CBL: variants seen among roughly 807,000 people sequenced by gnomAD.
CBL encodes the protein Cbl proto-oncogene.
CBL carries 45 observed loss-of-function variants against 96.9 expected under a neutral mutation model. That is an observed-to-expected ratio of 0.46 (90% CI 0.37 to 0.60). The LOEUF (loss-of-function observed/expected upper bound fraction) is 0.60, where lower values mean the gene tolerates loss of function less well. CBL is among the 20% of genes least tolerant of loss of function. CBL has a pLI of 0.00. For missense variants in CBL, 1,024 were observed against 1,143.5 expected, an observed-to-expected ratio of 0.90 and a Z score of 1.51; for synonymous variants, 420 against 426.8, an observed-to-expected ratio of 0.98 and a Z score of 0.20.
intron 2 of CBL, among the ~76,000 whole-genome samples, chr11:119,268,891 T>C (rs186853895): frequency 6.6e-6 from 1 of 152,322 alleles, no homozygotes; most frequent in East Asian, 1.9e-4. Context: ...ATCATCTCAT[T>C]CATTATCCTG....
At position 119,285,726 on chromosome 11, in the gene CBL, T is replaced by G. The variant is rs185084652; in HGVS notation, c.1941+160T>G. On this transcript the variant is annotated intron_variant, in intron 11 of 15. Coordinates refer to ENST00000264033, the MANE Select transcript of CBL (RefSeq NM_005188.4). ...GCCTGGGGGACGTAGTGAAACCCTG[T>G]CTCTACAAAAATTACAAAAATTAGC... Among the ~76,000 whole-genome samples the G allele has an allele frequency of 1.3e-3, 200 of 152,276 alleles. 2 individuals carry two copies. Among genetic ancestry groups the G allele is most frequent in the African/African-American group, 4.6e-3 (192 of 41,566 alleles).
intron 2 of CBL, among the ~76,000 whole-genome samples, chr11:119,263,250 A>G (rs1337876745): frequency 6.6e-6 from 1 of 152,180 alleles, no homozygotes; most frequent in Non-Finnish European, 1.5e-5. Context: ...CTACATTGTG[A>G]GTGCTTTCAT....
intron 2 of CBL, among the ~76,000 whole-genome samples, chr11:119,241,404 G>C (rs1949585739): frequency 6.6e-6 from 1 of 152,084 alleles, no homozygotes; most frequent in Non-Finnish European, 1.5e-5. Context: ...ATGTAATTCT[G>C]CCTTCTTAGA....
intron 1 of CBL, among the ~76,000 whole-genome samples, chr11:119,227,941 C>G (rs1446320469): frequency 2.0e-5 from 3 of 152,010 alleles, no homozygotes; most frequent in African/African-American, 7.3e-5. Flanking sequence ...CTTCTGTGTC[C>G]CTGTGCCTGA....
chr11:119,251,445 TG>T (rs1303649851), intron 2 of CBL, among the ~76,000 whole-genome samples: 6 of 152,372 alleles, frequency 3.9e-5, no homozygotes, highest in African/African-American at 1.2e-4. Context: ...TTTGTTTGAA[TG>T]TAAAGGAATG....
chr11:119,213,867 C>T (rs929120465), intron 1 of CBL, among the ~76,000 whole-genome samples: 2 of 152,112 alleles, frequency 1.3e-5, no homozygotes, highest in African/African-American at 4.8e-5. Flanking sequence ...CCACTGCACC[C>T]AACTAGTAGT....
intron 12 of CBL, among the ~76,000 whole-genome samples, chr11:119,294,310 TC>T (rs1485734883): frequency 6.6e-6 from 1 of 151,452 alleles, no homozygotes; most frequent in Admixed American, 6.6e-5. Context: ...GTGCCTGTAC[TC>T]CCAGCTACTT....
intron 2 of CBL, among the ~76,000 whole-genome samples, chr11:119,249,518 C>G (rs1281797159): frequency 6.9e-6 from 1 of 144,778 alleles, no homozygotes; most frequent in Non-Finnish European, 1.5e-5. Flanking sequence ...CGCCACTGCA[C>G]TCCAGCGTGG....
chr11:119,285,339 T>C lies in CBL; in HGVS notation c.1714T>C (p.Cys572Arg). Residue 572 changes from cysteine (C) to arginine (R), a missense_variant, in exon 11 of 16, where the codon TGT becomes CGT. Coordinates refer to ENST00000264033, the MANE Select transcript of CBL (RefSeq NM_005188.4). ...RRPLPCTPGD[C>R]PSRDKLPPVP... ...CCCCTTGCCTTGTACACCAGGCGACTGTCCCTCCAGAGACAAACTGCCCCC... is the reference window on the plus strand; with the variant it reads ...CCCCTTGCCTTGTACACCAGGCGACCGTCCCTCCAGAGACAAACTGCCCCC... The C allele has an allele frequency of 6.2e-7, 1 of 1,614,158 alleles. No homozygotes were observed. Among genetic ancestry groups the C allele is most frequent in the Non-Finnish European group, 8.5e-7 (1 of 1,180,020 alleles).
intron 2 of CBL, among the ~76,000 whole-genome samples, chr11:119,234,645 G>T (rs538496137): frequency 1.3e-5 from 2 of 152,158 alleles, no homozygotes; most frequent in Non-Finnish European, 2.9e-5. Context: ...ACAAAATTCT[G>T]TTGGGAGCCG....
chr11:119,232,424 G>A (rs193259104), intron 1 of CBL, 24 bp from the exon 2 acceptor site: 1 of 1,611,430 alleles, frequency 6.2e-7, no homozygotes, highest in African/African-American at 1.3e-5. Flanking sequence ...CCAAGTAATA[G>A]CCCTTCTTTT....
rs1949909771 is a variant in CBL, at chr11:119,278,719, A to T, written c.1431+6A>T. ...AGGAATTGGCTGGTGCCAAGGTAAG[A>T]TGGCAGTTTAGGAGACTGGCAAAAT... is the stretch of plus-strand genomic sequence containing the variant. On this transcript the variant is annotated splice_donor_region_variant and intron_variant, in intron 9 of 15. Transcript: ENST00000264033. The T allele has an allele frequency of 6.2e-7, 1 of 1,613,080 alleles. No individual in the cohort carries two copies.
chr11:119,241,742 T>A (rs1949587984), intron 2 of CBL, among the ~76,000 whole-genome samples: 2 of 152,188 alleles, frequency 1.3e-5, no homozygotes, highest in Non-Finnish European at 2.9e-5. Context: ...TCACTTAGGT[T>A]AAAAATGTCC....
chr11:119,272,288 A>G (rs1301313465), intron 3 of CBL, among the ~76,000 whole-genome samples: 2 of 151,966 alleles, frequency 1.3e-5, no homozygotes, highest in Non-Finnish European at 2.9e-5. Flanking sequence ...CGCCCGGCTA[A>G]TTTTTTGCAT....
intron 1 of CBL, among the ~76,000 whole-genome samples, chr11:119,226,357 A>G (rs544915914): frequency 6.6e-6 from 1 of 152,294 alleles, no homozygotes; most frequent in South Asian, 2.1e-4. Context: ...CATTTATTGA[A>G]TGCGATTTTT....
intron 1 of CBL, among the ~76,000 whole-genome samples, chr11:119,228,841 G>C (rs183981078): frequency 6.9e-6 from 1 of 144,990 alleles, no homozygotes; most frequent in Admixed American, 6.9e-5. Context: ...ACGTGGTTTC[G>C]CTCTTGTCCC....
In CBL at chr11:119,306,755, C is replaced by T. The variant is rs961629211; in HGVS notation, c.*6974C>T. The T allele has an allele frequency of 1.7e-5, 4 of 240,884 alleles. No homozygotes were observed. The highest frequency in any genetic ancestry group is 2.4e-5 in the Non-Finnish European group (3 of 123,398). The allele number at this position is 240,884 out of a possible 1,614,324, so 14.9% of individuals were successfully genotyped here. A position where few individuals can be genotyped will look rare whatever the true frequency, so the allele number is the denominator to read the frequency against. On this transcript the variant is annotated 3_prime_UTR_variant, in exon 16 of 16. Coordinates refer to ENST00000264033, the MANE Select transcript of CBL (RefSeq NM_005188.4). ...ATGAGAGTAAATGCCTCCTGACCTA[C>T]CCTGCTCAGCACTGTTCTAGTGTCT...
At chr11:119,225,092 G>T (rs1949447554) in intron 1 of CBL, among the ~76,000 whole-genome samples, 1 of 150,840 alleles carries the variant, frequency 6.6e-6, no homozygotes, top group Non-Finnish European at 1.5e-5. Flanking sequence ...TTGTATGTAT[G>T]CATGTATTTA....
intron 2 of CBL, among the ~76,000 whole-genome samples, chr11:119,243,326 A>ATATT (rs1281781321): frequency 1.1e-4 from 16 of 151,806 alleles, no homozygotes; most frequent in Admixed American, 4.6e-4. Flanking sequence ...CACTGGTAGG[A>ATATT]TATTTATTTA....
Sources: gnomAD v4.1 joint callset for allele counts (sites outside exome capture counted in the v4.1 genomes callset) on GRCh38, gnomAD v4.1.1 for gene constraint, MANE v1.5 for transcripts, NCBI Gene and HGNC (gene_info 2026-07-23, HGNC 2026-07-21) for gene names.